The following MMP16 variants were observed in gnomAD, a reference collection of about 807,000 sequenced individuals.
The protein encoded by MMP16 is matrix metalloproteinase-16.
In MMP16, 12 loss-of-function variants were observed where a neutral mutation model predicts 67.8. The observed-to-expected ratio is 0.18, with a 90% CI of 0.11 to 0.29. The LOEUF is 0.29. Ranked by LOEUF, MMP16 falls within the 10% of genes least tolerant of loss-of-function variation. MMP16 has a pLI of 1.00. For synonymous variants in MMP16, 249 were observed against 255.9 expected (o/e 0.97, Z 0.26); for missense variants, 475 against 765.7 (o/e 0.62, Z 4.48).
intron 1 of MMP16, among the ~76,000 whole-genome samples, chr8:88,278,335 A>G (rs1810680887): frequency 6.6e-6 from 1 of 152,182 alleles, no homozygotes; most frequent in African/African-American, 2.4e-5. Flanking sequence ...AGCATGAGTA[A>G]TAAACTGCTA....
At chr8:88,255,490 C>T (rs1810287449) in intron 1 of MMP16, among the ~76,000 whole-genome samples, 1 of 152,132 alleles carries the variant, frequency 6.6e-6, no homozygotes, top group African/African-American at 2.4e-5. Flanking sequence ...GACACACACA[C>T]AAATTGGTAT....
chr8:88,100,965 C>T (rs541174638), intron 6 of MMP16, among the ~76,000 whole-genome samples: 15 of 131,890 alleles, frequency 1.1e-4, no homozygotes, highest in African/African-American at 3.6e-4. Flanking sequence ...CATCACACAC[C>T]GGGGCCTGTT....
At chr8:88,112,673 G>GTGTGTGTGTGTGTGTC (rs1345835554) in intron 6 of MMP16, among the ~76,000 whole-genome samples, 15 of 147,010 alleles carry the variant, frequency 1.0e-4, no homozygotes, top group African/African-American at 3.9e-4. Flanking sequence ...AAGGGTGTGT[G>GTGTGTGTGTGTGTGTC]TGTGTGTGTG....
intron 4 of MMP16, among the ~76,000 whole-genome samples, chr8:88,134,625 C>A (rs576548052): frequency 6.6e-6 from 1 of 151,344 alleles, no homozygotes; most frequent in East Asian, 2.0e-4. Context: ...ATATATTTTT[C>A]TAACTTTCCT....
intron 1 of MMP16, among the ~76,000 whole-genome samples, chr8:88,276,695 C>T (rs969644393): frequency 1.3e-5 from 2 of 152,096 alleles, no homozygotes; most frequent in African/African-American, 4.8e-5. Flanking sequence ...TTCAGATGTT[C>T]TTACCCAATA....
chr8:88,223,956 A>C (rs1479630780), intron 1 of MMP16, among the ~76,000 whole-genome samples: 4 of 152,014 alleles, frequency 2.6e-5, no homozygotes, highest in Non-Finnish European at 4.4e-5. Context: ...GACCTCTAGG[A>C]ATGTGATGAA....
intron 4 of MMP16, among the ~76,000 whole-genome samples, chr8:88,160,138 C>G (rs1354438601): frequency 1.3e-5 from 2 of 151,884 alleles, no homozygotes; most frequent in Non-Finnish European, 2.9e-5. Flanking sequence ...AATCCCACAA[C>G]AGTTCCCAGA....
chr8:88,134,902 T>C (rs1420911750), intron 4 of MMP16, among the ~76,000 whole-genome samples: 1 of 151,662 alleles, frequency 6.6e-6, no homozygotes, highest in East Asian at 1.9e-4. Context: ...AGCTATCTGA[T>C]TGGTAATTCT....
intron 1 of MMP16, among the ~76,000 whole-genome samples, chr8:88,256,555 G>A (rs1810303680): frequency 2.0e-5 from 3 of 151,958 alleles, no homozygotes; most frequent in Admixed American, 6.6e-5. Context: ...GAATCAAACC[G>A]ACTTTTTCTG....
chr8:88,108,808 C>A (rs1308000056), intron 6 of MMP16, among the ~76,000 whole-genome samples: 1 of 151,178 alleles, frequency 6.6e-6, no homozygotes, highest in African/African-American at 2.4e-5. Context: ...AATGCTTTTC[C>A]AATATTAAGT....
rs1808002556 is a variant in MMP16 at position 88,032,784 on chromosome 8, C to T, written c.*8677G>A. 6.6e-6 allele frequency: 1 copy of T among 152,006 alleles called. No individual in the cohort carries two copies. Among genetic ancestry groups the T allele is most frequent in the South Asian group, 2.1e-4 (1 of 4,832 alleles). The allele number at this position is 152,006 out of a possible 1,614,324, so 9.4% of individuals were successfully genotyped here. On this transcript the variant is annotated 3_prime_UTR_variant, in exon 10 of 10. Transcript: ENST00000286614. ...GAAAAACATCACTACAACTTGCACACCTTAAAACTCATTCAGCAAATAAAT... is the reference window on the plus strand; with the variant it reads ...GAAAAACATCACTACAACTTGCACATCTTAAAACTCATTCAGCAAATAAAT...
Position 88,327,142 on chromosome 8 carries a change from A to G in MMP16, c.65T>C (p.Phe22Ser). The G allele has an allele frequency of 6.2e-7, 1 of 1,614,038 alleles. No homozygotes were observed. The highest frequency in any genetic ancestry group is 8.5e-7 in the Non-Finnish European group (1 of 1,179,962). Residue 22 changes from phenylalanine (F) to serine (S), a missense_variant, in exon 1 of 10, where the codon TTC (phenylalanine) becomes TCC (serine). Phe to Ser is a radical substitution (Grantham distance 155, BLOSUM62 -2). Around this residue, in one of 5 missense-constraint regions of MMP16, gnomAD observed 170 missense variants for 239.6 expected, o/e 0.71. Coordinates refer to ENST00000286614, the MANE Select transcript of MMP16 (RefSeq NM_005941.5). ...LDFVHHSGVF[F>S]LQTLLWILCA... ...TAAAATCCAAAGCAAGGTTTGCAAGAAAAACACCCCCGAATGATGCACGAA... is the reference window on the plus strand; with the variant it reads ...TAAAATCCAAAGCAAGGTTTGCAAGGAAAACACCCCCGAATGATGCACGAA...
At chr8:88,180,895 T>C (rs1300735024) in intron 3 of MMP16, among the ~76,000 whole-genome samples, 1 of 152,196 alleles carries the variant, frequency 6.6e-6, no homozygotes, top group African/African-American at 2.4e-5. Flanking sequence ...TTTGAAAATC[T>C]ATTAATGTAA....
At chr8:88,181,983 T>C (rs1272720498) in intron 3 of MMP16, among the ~76,000 whole-genome samples, 1 of 152,096 alleles carries the variant, frequency 6.6e-6, no homozygotes, top group Non-Finnish European at 1.5e-5. Context: ...ACACAGACTT[T>C]ATACACTCTC....
chr8:88,205,086 T>C (rs1563561652), intron 1 of MMP16, among the ~76,000 whole-genome samples: 1 of 152,258 alleles, frequency 6.6e-6, no homozygotes, highest in Non-Finnish European at 1.5e-5. Context: ...CTGCCCATTA[T>C]GTACCAGGCA....
Position 88,172,844 on chromosome 8 carries a change from C to T in MMP16, c.405-4871G>A, listed in dbSNP as rs148116268. Among the ~76,000 whole-genome samples the T allele has an allele frequency of 7.8e-3, 1,189 of 151,938 alleles. 16 individuals carry two copies. The highest frequency in any genetic ancestry group is 0.069 in the Middle Eastern group (20 of 288). On this transcript the variant is annotated intron_variant, in intron 3 of 9. Coordinates refer to ENST00000286614, the MANE Select transcript of MMP16 (RefSeq NM_005941.5). Reference sequence around the variant, plus strand: ...ATTGTTAAATTTTATCTTTAATGACCATGCCTTACACAATCTTACATAACA... The same window carrying T: ...ATTGTTAAATTTTATCTTTAATGACTATGCCTTACACAATCTTACATAACA...
intron 6 of MMP16, among the ~76,000 whole-genome samples, chr8:88,076,995 C>T (rs1209443177): frequency 1.3e-5 from 2 of 152,140 alleles, no homozygotes; most frequent in African/African-American, 2.4e-5. Context: ...ACTGGACAGA[C>T]ACATGTTGCA....
At chr8:88,079,693 C>T (rs1165763591) in intron 6 of MMP16, among the ~76,000 whole-genome samples, 1 of 152,134 alleles carries the variant, frequency 6.6e-6, no homozygotes, top group East Asian at 1.9e-4. Flanking sequence ...TGTTGAAATC[C>T]TAAGCCCCAA....
intron 1 of MMP16, among the ~76,000 whole-genome samples, chr8:88,280,542 T>G (rs894507932): frequency 2.0e-5 from 3 of 152,220 alleles, no homozygotes; most frequent in African/African-American, 7.2e-5. Flanking sequence ...CATTTAATTA[T>G]ATACACAGAC....
Sources: allele counts gnomAD v4.1 joint callset (sites outside exome capture counted in the v4.1 genomes callset), GRCh38; gene constraint gnomAD v4.1.1; regional missense constraint gnomAD v4.1.1; transcripts MANE v1.5; gene names NCBI Gene and HGNC (gene_info 2026-07-23, HGNC 2026-07-21).